SGCD: variants seen among roughly 807,000 people sequenced by gnomAD.
SGCD encodes the protein delta-sarcoglycan.
A neutral mutation model predicts 36.6 loss-of-function variants in SGCD; 18 were observed. The ratio of observed to expected loss-of-function variants is 0.49; its 90% confidence interval spans 0.34 to 0.73. The LOEUF is 0.73. Among genes scored for constraint, SGCD ranks in the 30% least tolerant of loss-of-function variants. The pLI, the probability that SGCD is intolerant of heterozygous loss-of-function variation, is 0.01. For synonymous variants in SGCD, 133 were observed against 130.6 expected, an observed-to-expected ratio of 1.02 and a Z score of -0.12; for missense variants, 387 against 346.7, an observed-to-expected ratio of 1.12 and a Z score of -0.92.
Position 156,759,201 on chromosome 5 carries a change from T to C in SGCD, c.700-16T>C, listed in dbSNP as rs1304164643. 4 of 1,609,488 alleles carry C rather than the reference T, an allele frequency of 2.5e-6. No homozygotes were observed. In the African/African-American group the frequency reaches 5.3e-5, roughly 22 times the overall value. On this transcript the variant is annotated splice_polypyrimidine_tract_variant and intron_variant, in intron 8 of 8. Coordinates refer to ENST00000337851, the MANE Select transcript of SGCD (RefSeq NM_000337.6). ...AGCCTCTGACCAATGCTTTCCTTCC[T>C]ATTCTCTGTCTTTAGATTAAGTTAG...
In SGCD at chr5:155,877,751, A is replaced by G. The variant is rs1195995869; in HGVS notation, c.-282+7327A>G. Among the ~76,000 whole-genome samples, 6 of 152,152 alleles carry G rather than the reference A, an allele frequency of 3.9e-5. No homozygotes were observed. The East Asian group carries it at 1.2e-3, about 29-fold the overall frequency. ...TCAAAGTTTTATGTGAATAAAAAGG[A>G]GTTCTTTGTCTAAATATGTTTGGGA... On this transcript the variant is annotated intron_variant, in intron 1 of 9. Transcript: ENST00000517913.
At chr5:155,791,382 A>G in the SGCD span, among the ~76,000 whole-genome samples, 1 of 152,144 alleles carries the variant, frequency 6.6e-6, no homozygotes, top group Non-Finnish European at 1.5e-5. Context: ...CACCACGCTT[A>G]TTCAACATAG....
chr5:156,739,163 C>T (rs993463363), intron 7 of SGCD, among the ~76,000 whole-genome samples: 2 of 152,048 alleles, frequency 1.3e-5, no homozygotes, highest in African/African-American at 4.8e-5. Context: ...AATGAGACTG[C>T]CAATTCTAAT....
At chr5:156,251,595 A>G (rs1189027938) in intron 3 of SGCD, among the ~76,000 whole-genome samples, 1 of 151,962 alleles carries the variant, frequency 6.6e-6, no homozygotes, top group Admixed American at 6.6e-5. Flanking sequence ...GCTCACTGCA[A>G]CCTCTGCCTC....
chr5:156,038,281 G>A (rs914363856), intron 1 of SGCD, among the ~76,000 whole-genome samples: 2 of 152,056 alleles, frequency 1.3e-5, no homozygotes, highest in South Asian at 2.1e-4. Context: ...AAGTATCAAG[G>A]TCATGAAAGA....
chr5:156,306,246 TAACTG>T (rs1767209345), intron 3 of SGCD, among the ~76,000 whole-genome samples: 1 of 152,056 alleles, frequency 6.6e-6, no homozygotes, highest in South Asian at 2.1e-4. Context: ...TGGTGGGAGG[TAACTG>T]AATCATGGGG....
At chr5:155,840,778 G>A in the SGCD span, among the ~76,000 whole-genome samples, 1 of 151,602 alleles carries the variant, frequency 6.6e-6, no homozygotes, top group East Asian at 2.0e-4. Flanking sequence ...TAGGGAGGCC[G>A]AGGCAGGCAG....
At chr5:156,426,633 G>A (rs1440715538) in intron 3 of SGCD, among the ~76,000 whole-genome samples, 2 of 151,920 alleles carry the variant, frequency 1.3e-5, no homozygotes, top group African/African-American at 4.8e-5. Flanking sequence ...TGATTTTTCT[G>A]CCTAAGCCAG....
intron 3 of SGCD, among the ~76,000 whole-genome samples, chr5:156,237,803 T>C (rs1765205235): frequency 6.6e-6 from 1 of 152,110 alleles, no homozygotes; most frequent in African/African-American, 2.4e-5. Context: ...CGGTAAATAT[T>C]ATTGAGCCCC....
rs1366573431 is a variant in SGCD at position 156,527,384 on chromosome 5, GT to G, written c.294+18685del. ...GGAGTTTGCTCTTACTAAACCTGGA[GT>G]TTGGCTATGAATTTTTGAAAGAGAG... is the stretch of plus-strand genomic sequence containing the variant. On this transcript the variant is annotated intron_variant, in intron 4 of 8. Coordinates refer to ENST00000337851, the MANE Select transcript of SGCD (RefSeq NM_000337.6). Among the ~76,000 whole-genome samples the G allele has an allele frequency of 2.6e-5, 4 of 152,218 alleles. No individual in the cohort carries two copies. In the East Asian group the frequency reaches 5.8e-4, roughly 22 times the overall value.
chr5:156,407,372 T>C (rs1458045264), intron 3 of SGCD, among the ~76,000 whole-genome samples: 2 of 152,210 alleles, frequency 1.3e-5, no homozygotes, highest in Admixed American at 6.5e-5. Context: ...CTCACAGTGC[T>C]TTATGCATTG....
chr5:156,243,264 G>A (rs1034603008), intron 3 of SGCD, among the ~76,000 whole-genome samples: 1 of 152,202 alleles, frequency 6.6e-6, no homozygotes, highest in Non-Finnish European at 1.5e-5. Flanking sequence ...TGGCACATGC[G>A]GGTGCCTGGT....
intron 3 of SGCD, among the ~76,000 whole-genome samples, chr5:156,206,065 T>G (rs1246100419): frequency 6.7e-6 from 1 of 150,094 alleles, no homozygotes; most frequent in Admixed American, 6.7e-5. Flanking sequence ...TGTCCATATA[T>G]ATGTAGACTT....
chr5:156,176,759 G>A (rs1422432005), intron 3 of SGCD, among the ~76,000 whole-genome samples: 1 of 152,048 alleles, frequency 6.6e-6, no homozygotes, highest in South Asian at 2.1e-4. Flanking sequence ...TTGGTAAATT[G>A]CGATTTTGTT....
At chr5:155,952,695 A>T (rs980495117) in intron 1 of SGCD, among the ~76,000 whole-genome samples, 6 of 152,206 alleles carry the variant, frequency 3.9e-5, no homozygotes, top group African/African-American at 1.2e-4. Context: ...GTCAGCCCCT[A>T]AAGATAGCTC....
intron 1 of SGCD, among the ~76,000 whole-genome samples, chr5:155,944,000 T>A (rs1757387168): frequency 6.6e-6 from 1 of 152,192 alleles, no homozygotes; most frequent in African/African-American, 2.4e-5. Context: ...CCTCCTTCTG[T>A]CCTGCAGAGG....
At chr5:156,438,322 G>A (rs1753332485) in intron 3 of SGCD, among the ~76,000 whole-genome samples, 1 of 152,116 alleles carries the variant, frequency 6.6e-6, no homozygotes. Context: ...GGCAGTCACT[G>A]TAGCTTAAGG....
chr5:156,250,691 T>A (rs368310802), intron 3 of SGCD, among the ~76,000 whole-genome samples: 1 of 152,214 alleles, frequency 6.6e-6, no homozygotes, highest in East Asian at 1.9e-4. Flanking sequence ...TAAGGAAGAC[T>A]CTGTTAGGGT....
chr5:156,390,060 A>G (rs1771482320), intron 3 of SGCD, among the ~76,000 whole-genome samples: 1 of 152,210 alleles, frequency 6.6e-6, no homozygotes, highest in Non-Finnish European at 1.5e-5. Flanking sequence ...TGATGCTGGT[A>G]TAAACAAACC....
Sources: gnomAD v4.1 joint callset for allele counts (sites outside exome capture counted in the v4.1 genomes callset) on GRCh38, gnomAD v4.1.1 for gene constraint, MANE v1.5 for transcripts, NCBI Gene and HGNC (gene_info 2026-07-23, HGNC 2026-07-21) for gene names.